Variants in OR7E24 observed in about 807,000 individuals in gnomAD.
OR7E24 encodes the protein olfactory receptor family 7 subfamily E member 24.
For missense variants in OR7E24, 385 were observed against 410.3 expected (o/e 0.94, Z 0.53); for synonymous variants, 130 against 157.5 (o/e 0.83, Z 1.31).
At chr19:9,227,463 C>T in the OR7E24 span, among the ~76,000 whole-genome samples, 2 of 152,090 alleles carry the variant, frequency 1.3e-5, no homozygotes, top group African/African-American at 2.4e-5. Context: ...TTCTTGACCT[C>T]GTGATCCACA....
the OR7E24 span, among the ~76,000 whole-genome samples, chr19:9,240,364 T>C: frequency 4.7e-4 from 71 of 152,344 alleles, no homozygotes; most frequent in African/African-American, 1.5e-3. Flanking sequence ...GGATTATTCC[T>C]ATGTTTTCTT....
chr19:9,250,219 T>TGA (rs377591918), upstream of OR7E24, among the ~76,000 whole-genome samples: 91 of 152,180 alleles, frequency 6.0e-4, no homozygotes, highest in African/African-American at 2.1e-3. Context: ...CTCAGCCTCC[T>TGA]GAGTAGCTGG....
upstream of OR7E24, among the ~76,000 whole-genome samples, chr19:9,248,214 G>T (rs1289477365): frequency 6.6e-6 from 1 of 152,146 alleles, no homozygotes; most frequent in African/African-American, 2.4e-5. Flanking sequence ...GAAGATGCCA[G>T]TCACCATGAC....
At chr19:9,235,180 C>A in the OR7E24 span, 3 of 1,390,618 alleles carry the variant, frequency 2.2e-6, no homozygotes, top group Non-Finnish European at 3.0e-6. Flanking sequence ...ATCAGAATTC[C>A]TCCTCTTAGG....
chr19:9,221,284 T>C, the OR7E24 span, among the ~76,000 whole-genome samples: 2 of 139,702 alleles, frequency 1.4e-5, no homozygotes, highest in African/African-American at 5.5e-5. Flanking sequence ...AAAAAAAAAA[T>C]GTATGTTGTC....
chr19:9,249,142 T>C (rs886945121), upstream of OR7E24, among the ~76,000 whole-genome samples: 6 of 152,246 alleles, frequency 3.9e-5, no homozygotes, highest in Admixed American at 3.3e-4. Flanking sequence ...AACTGAAATA[T>C]CCAGGAACCT....
the OR7E24 span, among the ~76,000 whole-genome samples, chr19:9,237,144 A>G: frequency 1.3e-5 from 2 of 152,130 alleles, no homozygotes; most frequent in Non-Finnish European, 2.9e-5. Flanking sequence ...CATAGAGATT[A>G]GTGCTTCGGA....
the OR7E24 span, among the ~76,000 whole-genome samples, chr19:9,229,392 G>A: frequency 4.5e-3 from 679 of 151,934 alleles, 5 homozygotes; most frequent in African/African-American, 0.016. Flanking sequence ...AAAATTAGCC[G>A]GGCGTGGTGG....
the OR7E24 span, among the ~76,000 whole-genome samples, chr19:9,236,496 C>A: frequency 6.6e-6 from 1 of 151,386 alleles, no homozygotes; most frequent in Non-Finnish European, 1.5e-5. Flanking sequence ...GGTGACAGAG[C>A]GAGACTCTGT....
chr19:9,214,322 A>T, the OR7E24 span: 47 of 1,612,750 alleles, frequency 2.9e-5, no homozygotes, highest in Non-Finnish European at 4.0e-5. Context: ...GCGGAATCTC[A>T]GTGCCTGTGG....
At chr19:9,222,726 A>G in the OR7E24 span, among the ~76,000 whole-genome samples, 1 of 152,122 alleles carries the variant, frequency 6.6e-6, no homozygotes, top group Non-Finnish European at 1.5e-5. Flanking sequence ...TCTATACATA[A>G]GGTCATGTCA....
upstream of OR7E24, among the ~76,000 whole-genome samples, chr19:9,244,079 T>C (rs1413215644): frequency 6.6e-6 from 1 of 152,208 alleles, no homozygotes; most frequent in Non-Finnish European, 1.5e-5. Flanking sequence ...TGATTCTCAC[T>C]GGCAAAATAA....
the OR7E24 span, among the ~76,000 whole-genome samples, chr19:9,220,505 T>C: frequency 3.3e-5 from 5 of 152,354 alleles, no homozygotes; most frequent in South Asian, 2.1e-4. Context: ...CTTAACACAA[T>C]GTTCTCTGAG....
At chr19:9,222,814 T>C in the OR7E24 span, among the ~76,000 whole-genome samples, 20 of 152,184 alleles carry the variant, frequency 1.3e-4, no homozygotes, top group Admixed American at 1.2e-3. Flanking sequence ...CTAATTGATT[T>C]AGCTAGAACT....
chr19:9,208,525 T>G, the OR7E24 span: 1 of 152,196 alleles, frequency 6.6e-6, no homozygotes, highest in South Asian at 2.1e-4. Context: ...TCTAGTGATG[T>G]CTAGGGATTG....
the OR7E24 span, chr19:9,212,458 T>G: frequency 6.6e-6 from 1 of 152,180 alleles, no homozygotes; most frequent in Non-Finnish European, 1.5e-5. Context: ...TGATAATATC[T>G]TTTGATACCA....
the OR7E24 span, among the ~76,000 whole-genome samples, chr19:9,229,389 G>T: frequency 2.9e-4 from 44 of 152,030 alleles, no homozygotes; most frequent in African/African-American, 9.9e-4. Flanking sequence ...ACAAAAATTA[G>T]CCGGGCGTGG....
the OR7E24 span, among the ~76,000 whole-genome samples, chr19:9,238,836 TAGTA>T: frequency 4.6e-5 from 7 of 152,232 alleles, no homozygotes; most frequent in East Asian, 1.9e-4. Flanking sequence ...ATCCATGTGG[TAGTA>T]AGTGACAGGT....
the OR7E24 span, among the ~76,000 whole-genome samples, chr19:9,221,079 C>T: frequency 8.3e-4 from 126 of 151,894 alleles, 2 homozygotes; most frequent in Admixed American, 3.9e-4. Flanking sequence ...TCGAGACCAT[C>T]CTGGCTAAAG....
Sources: gnomAD v4.1 joint callset for allele counts (sites outside exome capture counted in the v4.1 genomes callset) on GRCh38, gnomAD v4.1.1 for gene constraint, MANE v1.5 for transcripts, NCBI Gene and HGNC (gene_info 2026-07-23, HGNC 2026-07-21) for gene names.